The following VOPP1 variants were observed in gnomAD, a reference collection of about 807,000 sequenced individuals.
VOPP1 encodes the protein VOPP1 WW domain binding protein, also known as WW domain binding protein VOPP1.
In VOPP1, 8 loss-of-function variants were observed where a neutral mutation model predicts 23.5. The observed-to-expected ratio is 0.34, with a 90% confidence interval of 0.20 to 0.61. The LOEUF (loss-of-function observed/expected upper bound fraction) is 0.61, where lower values mean the gene tolerates loss of function less well. Among genes scored for constraint, VOPP1 ranks in the 20% least tolerant of loss-of-function variants. VOPP1 has a pLI of 0.78. For missense variants in VOPP1, 174 were observed against 238.1 expected (o/e 0.73, Z 1.77); for synonymous variants, 83 against 97.3 (o/e 0.85, Z 0.86).
intron 1 of VOPP1, among the ~76,000 whole-genome samples, chr7:55,540,454 A>G (rs1373334512): frequency 6.6e-6 from 1 of 150,868 alleles, no homozygotes; most frequent in Non-Finnish European, 1.5e-5. Context: ...AAAATAAATG[A>G]ACTCCCATTC....
intron 1 of VOPP1, among the ~76,000 whole-genome samples, chr7:55,539,039 A>AG (rs1562610437): frequency 1.6e-3 from 19 of 11,738 alleles, no homozygotes; most frequent in African/African-American, 7.1e-3. Flanking sequence ...TTTAAAAAAA[A>AG]AGGGGGGGGG....
At chr7:55,486,450 G>T (rs1044646172) in intron 4 of VOPP1, among the ~76,000 whole-genome samples, 1 of 152,230 alleles carries the variant, frequency 6.6e-6, no homozygotes, top group Admixed American at 6.5e-5. Context: ...ACAGGGAGGG[G>T]AGGGGCAGCA....
intron 1 of VOPP1, among the ~76,000 whole-genome samples, chr7:55,543,700 G>GT (rs34519358): frequency 0.049 from 7,171 of 145,868 alleles, 324 homozygotes; most frequent in African/African-American, 0.11. Flanking sequence ...CATTTACATG[G>GT]TTTTTTTTTT....
At chr7:55,525,256 C>T (rs1271934791) in intron 1 of VOPP1, among the ~76,000 whole-genome samples, 1 of 152,008 alleles carries the variant, frequency 6.6e-6, no homozygotes, top group African/African-American at 2.4e-5. Context: ...TTTGGGAGGC[C>T]GAGGTGGGTG....
intron 1 of VOPP1, among the ~76,000 whole-genome samples, chr7:55,535,117 G>A (rs1395078059): frequency 6.6e-6 from 1 of 152,192 alleles, no homozygotes; most frequent in African/African-American, 2.4e-5. Context: ...CACTGCACCT[G>A]CCCCTAAACC....
chr7:55,491,286 T>A (rs1164633313), intron 4 of VOPP1, among the ~76,000 whole-genome samples: 1 of 152,252 alleles, frequency 6.6e-6, no homozygotes, highest in Non-Finnish European at 1.5e-5. Flanking sequence ...TACAGTTGTA[T>A]TAATTGTAGG....
chr7:55,463,245 T>C (rs113085520), intron 4 of VOPP1, among the ~76,000 whole-genome samples: 1,828 of 152,362 alleles, frequency 0.012, 13 homozygotes, highest in Admixed American at 0.021. Context: ...AATAACATTA[T>C]TTAAAATTCT....
chr7:55,503,174 T>C (rs935857461), intron 2 of VOPP1, among the ~76,000 whole-genome samples: 1 of 152,182 alleles, frequency 6.6e-6, no homozygotes. Flanking sequence ...ATTATAGAGA[T>C]AAAAGGGTGC....
At chr7:55,501,750 G>T (rs1447807914) in intron 2 of VOPP1, among the ~76,000 whole-genome samples, 1 of 152,138 alleles carries the variant, frequency 6.6e-6, no homozygotes, top group Admixed American at 6.5e-5. Context: ...TGAGGGAGGG[G>T]AATAAGGGGG....
In VOPP1 at chr7:55,538,076, C is replaced by A. The variant is rs144305972; in HGVS notation, c.55-16946G>T. ...ACACTAAGCTGCCCTCTGCCTCTCC[C>A]ACTTTAGGGCTTCGAGACACCTCTT... On this transcript the variant is annotated intron_variant, in intron 1 of 4. Transcript: ENST00000285279. 2.6e-4 allele frequency among the ~76,000 whole-genome samples: 40 copies of A among 152,338 alleles called. No homozygotes were observed. In the East Asian group the frequency reaches 7.3e-3, roughly 28 times the overall value.
chr7:55,451,504 T>C (rs1171730677), intron 4 of VOPP1, among the ~76,000 whole-genome samples: 1 of 152,186 alleles, frequency 6.6e-6, no homozygotes, highest in Non-Finnish European at 1.5e-5. Context: ...AAAAATACTT[T>C]ATTGTGGCCG....
intron 4 of VOPP1, among the ~76,000 whole-genome samples, chr7:55,442,024 C>T (rs1458661459): frequency 2.0e-5 from 3 of 152,198 alleles, no homozygotes; most frequent in Non-Finnish European, 2.9e-5. Flanking sequence ...GAGTGCATTT[C>T]ATTTCTAATG....
chr7:55,474,358 T>C (rs1371989506), intron 4 of VOPP1, among the ~76,000 whole-genome samples: 2 of 151,764 alleles, frequency 1.3e-5, no homozygotes, highest in Non-Finnish European at 2.9e-5. Flanking sequence ...CTATATGTTA[T>C]ACAATTAAAA....
chr7:55,489,242 T>C (rs1364066590), intron 4 of VOPP1, among the ~76,000 whole-genome samples: 2 of 152,192 alleles, frequency 1.3e-5, no homozygotes, highest in African/African-American at 4.8e-5. Flanking sequence ...CCTGCTTTCA[T>C]ATGACAGTCT....
At chr7:55,546,043 G>A (rs1377657384) in intron 1 of VOPP1, among the ~76,000 whole-genome samples, 1 of 152,022 alleles carries the variant, frequency 6.6e-6, no homozygotes, top group Non-Finnish European at 1.5e-5. Flanking sequence ...CTCCAGTCTG[G>A]GTGACAGAAT....
chr7:55,463,550 TGGTA>T (rs1426806404), intron 4 of VOPP1, among the ~76,000 whole-genome samples: 1 of 152,190 alleles, frequency 6.6e-6, no homozygotes, highest in African/African-American at 2.4e-5. Flanking sequence ...TCAGTGTCAG[TGGTA>T]TCTGTGAGTT....
intron 1 of VOPP1, among the ~76,000 whole-genome samples, chr7:55,539,173 C>T (rs1253393807): frequency 1.3e-5 from 2 of 151,974 alleles, no homozygotes; most frequent in African/African-American, 2.4e-5. Flanking sequence ...GTGAAACCCC[C>T]TCCTCCACTA....
intron 4 of VOPP1, among the ~76,000 whole-genome samples, chr7:55,485,219 G>A (rs1463506322): frequency 3.3e-5 from 5 of 152,086 alleles, no homozygotes; most frequent in African/African-American, 1.2e-4. Context: ...ACGTGCGCAG[G>A]TCTCACCTAA....
intron 1 of VOPP1, among the ~76,000 whole-genome samples, chr7:55,529,251 G>C (rs1796357305): frequency 6.6e-6 from 1 of 151,906 alleles, no homozygotes; most frequent in South Asian, 2.1e-4. Flanking sequence ...TGTAGTCTCA[G>C]CTACTTGGGA....
Sources: gnomAD v4.1 joint callset for allele counts (sites outside exome capture counted in the v4.1 genomes callset) on GRCh38, gnomAD v4.1.1 for gene constraint, MANE v1.5 for transcripts, NCBI Gene and HGNC (gene_info 2026-07-23, HGNC 2026-07-21) for gene names.